ANK3: variants seen among roughly 807,000 people sequenced by gnomAD.
The protein encoded by ANK3 is ankyrin 3.
In ANK3, 57 loss-of-function variants were observed where a neutral mutation model predicts 370.9. That is an observed-to-expected ratio of 0.15 (90% CI 0.12 to 0.19). The LOEUF (loss-of-function observed/expected upper bound fraction) is 0.19, where lower values mean the gene tolerates loss of function less well. Among genes scored for constraint, ANK3 ranks in the 10% least tolerant of loss-of-function variants. The probability of loss-of-function intolerance (pLI) is 1.00; values close to 1 mark genes in which losing one functional copy is unlikely to be tolerated. For synonymous variants in ANK3, 1,929 were observed against 1,946.3 expected (o/e 0.99, Z 0.23); for missense variants, 4,439 against 5,302.1 (o/e 0.84, Z 5.06).
At chr10:60,387,498 C>T (rs1476670198) in intron 1 of ANK3, among the ~76,000 whole-genome samples, 2 of 152,112 alleles carry the variant, frequency 1.3e-5, no homozygotes. Context: ...CTGTAATACA[C>T]TGTATCTTAC....
chr10:60,573,361 TACCAACCAACCA>T (rs200827585), intron 2 of ANK3, among the ~76,000 whole-genome samples: 1 of 152,046 alleles, frequency 6.6e-6, no homozygotes, highest in South Asian at 2.1e-4. Context: ...TCCATGAATA[TACCAACCAACCA>T]ACCAACCAAC....
chr10:60,374,825 A>G (rs1037030430), intron 1 of ANK3, among the ~76,000 whole-genome samples: 28 of 152,162 alleles, frequency 1.8e-4, no homozygotes, highest in African/African-American at 6.8e-4. Flanking sequence ...GTACACTCAT[A>G]AAGTAATATG....
intron 2 of ANK3, among the ~76,000 whole-genome samples, chr10:60,426,297 A>G (rs527945626): frequency 1.4e-4 from 21 of 152,140 alleles, no homozygotes; most frequent in African/African-American, 4.6e-4. Flanking sequence ...GCATAAATCT[A>G]TATTCCATCT....
rs10641945 is a variant in ANK3, at chr10:60,680,137, GA to G, written c.57+53125del. On this transcript the variant is annotated intron_variant, in intron 1 of 43. Coordinates refer to the ANK3 transcript ENST00000373827. ...GAGACATAGTGAGGCTCTGTCTCGG[GA>G]AAAAAAAAAAAAGGAAAGAAAGAAA... Among the ~76,000 whole-genome samples the G allele has an allele frequency of 5.9e-3, 761 of 128,362 alleles. 4 individuals are homozygous for G. The highest frequency in any genetic ancestry group is 7.8e-3 in the Non-Finnish European group (487 of 62,670). 84.2% of individuals were successfully genotyped at this position (128,362 alleles called of 152,430 possible).
At chr10:60,668,641 T>G (rs908519783) in intron 1 of ANK3, among the ~76,000 whole-genome samples, 28 of 152,204 alleles carry the variant, frequency 1.8e-4, no homozygotes, top group Admixed American at 9.8e-4. Context: ...TTCAAGCAGG[T>G]GCACATCAGC....
chr10:60,534,566 A>G lies in ANK3; in HGVS notation c.96+80620T>C, dbSNP rs78329804. ...TATTGGCACTCAAGAAAAATAATAC[A>G]TCTCATTACTGTAGGGCAGGGCATG... On this transcript the variant is annotated intron_variant, in intron 2 of 43. Coordinates refer to the ANK3 transcript ENST00000373827. Among the ~76,000 whole-genome samples, 792 of 152,254 alleles carry G rather than the reference A, an allele frequency of 5.2e-3. 11 individuals are homozygous for G. The highest frequency in any genetic ancestry group is 0.018 in the African/African-American group (731 of 41,558).
At chr10:60,460,830 A>C (rs1007525821) in intron 2 of ANK3, among the ~76,000 whole-genome samples, 1 of 152,192 alleles carries the variant, frequency 6.6e-6, no homozygotes, top group Non-Finnish European at 1.5e-5. Context: ...TTATTGCTGA[A>C]TTTTATTAAA....
chr10:60,155,641 G>T (rs1244154310), intron 23 of ANK3, among the ~76,000 whole-genome samples: 3 of 152,156 alleles, frequency 2.0e-5, no homozygotes, highest in Non-Finnish European at 4.4e-5. Context: ...GTTGCCAAAG[G>T]AGATTAACAT....
In ANK3 at chr10:60,138,852, T is replaced by G. The variant is rs1027592156; in HGVS notation, c.2738+112A>C. On this transcript the variant is annotated intron_variant, in intron 24 of 43. Transcript: ENST00000280772. ...TCGAGAACATTTCGCTAAATTCACA[T>G]CTTCATCCAAAGAACACATTTTGGG... 4 of 1,413,660 alleles carry G rather than the reference T, an allele frequency of 2.8e-6. No individual in the cohort carries two copies. The African/African-American group carries it at 5.7e-5, about 20-fold the overall frequency. The allele number at this position is 1,413,660 out of a possible 1,614,324, so 87.6% of individuals were successfully genotyped here.
intron 2 of ANK3, among the ~76,000 whole-genome samples, chr10:60,421,642 C>T (rs1159298174): frequency 1.3e-5 from 2 of 151,978 alleles, no homozygotes; most frequent in East Asian, 3.9e-4. Context: ...GAGTTCCCCT[C>T]CCATCCTCAC....
intron 5 of ANK3, among the ~76,000 whole-genome samples, chr10:60,269,725 C>T (rs1164909112): frequency 7.4e-6 from 1 of 135,924 alleles, no homozygotes; most frequent in African/African-American, 2.8e-5. Flanking sequence ...AATACAAATT[C>T]AATCATTATA....
At chr10:60,658,533 A>T (rs2078896043) in intron 1 of ANK3, among the ~76,000 whole-genome samples, 1 of 152,066 alleles carries the variant, frequency 6.6e-6, no homozygotes, top group South Asian at 2.1e-4. Flanking sequence ...TATATATTAT[A>T]AACCAGAGTT....
chr10:60,137,341 C>T (rs1312547817), intron 24 of ANK3: 2 of 328,456 alleles, frequency 6.1e-6, no homozygotes, highest in South Asian at 2.4e-5. Context: ...TGTCTTCTTA[C>T]CTTATCTTGG....
At chr10:60,510,428 C>A (rs565524133) in intron 2 of ANK3, among the ~76,000 whole-genome samples, 3 of 152,138 alleles carry the variant, frequency 2.0e-5, no homozygotes, top group Non-Finnish European at 4.4e-5. Context: ...AAGTACAATA[C>A]TAAGCATTTC....
chr10:60,321,596 ATTGT>A (rs1209291958), intron 1 of ANK3, among the ~76,000 whole-genome samples: 1 of 152,166 alleles, frequency 6.6e-6, no homozygotes, highest in Non-Finnish European at 1.5e-5. Context: ...AGCTCATTTA[ATTGT>A]CACAGTGTCC....
Position 60,341,230 on chromosome 10 carries a change from G to C in ANK3, c.114+48195C>G, listed in dbSNP as rs72824106. On this transcript the variant is annotated intron_variant, in intron 1 of 43. Transcript: ENST00000280772. ...GATTTCTTGAGAAAGTATAAAAAAT[G>C]AATCAAAGCCAGTAGGGAGAGTTTC... is the stretch of plus-strand genomic sequence containing the variant. Among the ~76,000 whole-genome samples, 785 of 152,230 alleles carry C rather than the reference G, an allele frequency of 5.2e-3. 4 individuals are homozygous for C. The highest frequency in any genetic ancestry group is 0.011 in the South Asian group (55 of 4,816).
At chr10:60,336,056 G>A (rs2052750596) in intron 1 of ANK3, among the ~76,000 whole-genome samples, 2 of 151,528 alleles carry the variant, frequency 1.3e-5, no homozygotes, top group Non-Finnish European at 2.9e-5. Flanking sequence ...ATGATCACTG[G>A]TGCATTATTG....
In ANK3 at chr10:60,310,142, C is replaced by T. The variant is rs539275429; in HGVS notation, c.115-30503G>A. Among the ~76,000 whole-genome samples, 17 of 152,160 alleles carry T rather than the reference C, an allele frequency of 1.1e-4. No individual in the cohort carries two copies. The South Asian group carries it at 2.9e-3, about 26-fold the overall frequency. ...GTCTAGCTATGTTGCCCAGGTTGGT[C>T]TCAAACTCCTGATCTCAAGAGATCC... On this transcript the variant is annotated intron_variant, in intron 1 of 43. Transcript: ENST00000280772.
At chr10:60,324,170 C>A (rs1308224979) in intron 1 of ANK3, among the ~76,000 whole-genome samples, 2 of 152,154 alleles carry the variant, frequency 1.3e-5, no homozygotes, top group Admixed American at 6.5e-5. Context: ...GGGAGAAATG[C>A]TGGAGTGATG....
Sources: allele counts gnomAD v4.1 joint callset (sites outside exome capture counted in the v4.1 genomes callset), GRCh38; gene constraint gnomAD v4.1.1; transcripts MANE v1.5; gene names NCBI Gene and HGNC (gene_info 2026-07-23, HGNC 2026-07-21).